The following PCDHGA12 variants were observed in gnomAD, a reference collection of about 807,000 sequenced individuals.
PCDHGA12 encodes the protein protocadherin gamma subfamily A, 12.
A neutral mutation model predicts 61.1 loss-of-function variants in PCDHGA12; 43 were observed. That is an observed-to-expected ratio of 0.70 (90% CI 0.55 to 0.91). PCDHGA12 has a LOEUF of 0.91. PCDHGA12 is among the 40% of genes least tolerant of loss of function. The pLI is 0.00. For missense variants in PCDHGA12, 1,236 were observed against 1,227.7 expected (o/e 1.01, Z -0.10); for synonymous variants, 520 against 542.9 (o/e 0.96, Z 0.59).
At chr5:141,510,831 A>T (rs2154594660) in intron 3 of PCDHGA12, 116 bp from the exon 4 acceptor site, 1 of 1,577,022 alleles carries the variant, frequency 6.3e-7, no homozygotes, top group East Asian at 2.2e-5. Context: ...CCCAGTGCTC[A>T]GCGTGGTCAA....
chr5:141,463,535 G>A (rs1178825067), intron 1 of PCDHGA12, among the ~76,000 whole-genome samples: 4 of 137,928 alleles, frequency 2.9e-5, no homozygotes, highest in East Asian at 2.3e-4. Context: ...TAGAAACTCC[G>A]GCTCCCGGGT....
At position 141,489,852 on chromosome 5, in the gene PCDHGA12, C is replaced by G. The variant is rs1197191101; in HGVS notation, c.2425-4955C>G. ...TAGAGCAGCAGCTGGATCGTGAAGC[C>G]CAGGCAAGACATCAGCTGGTGCTTA... On this transcript the variant is annotated intron_variant, in intron 1 of 3. Transcript: ENST00000252085. This position sits in a 1 kb window ranked among gnomAD's most constrained non-coding sequence, Gnocchi z 4.5. The G allele has an allele frequency of 6.2e-7, 1 of 1,614,034 alleles. No homozygotes were observed. Among genetic ancestry groups the G allele is most frequent in the Admixed American group, 1.7e-5 (1 of 60,004 alleles).
Position 141,430,832 on chromosome 5 carries a change from G to A in PCDHGA12, c.73G>A (p.Glu25Lys), listed in dbSNP as rs1398773861. ...GGGAATCCTCCTGGGGACTCTGTGG[G>A]AGACCGGATGCACCCAGATACGCTA... ...LLGILLGTLWETGCTQIRYSV... is the reference protein window; with the variant it reads ...LLGILLGTLWKTGCTQIRYSV... Residue 25 changes from glutamate to lysine, a missense_variant, in exon 1 of 4, where the codon GAG becomes AAG. Transcript: ENST00000252085. The A allele has an allele frequency of 6.4e-7, 1 of 1,555,686 alleles. No individual in the cohort carries two copies. Among genetic ancestry groups the A allele is most frequent in the South Asian group, 1.3e-5 (1 of 79,862 alleles).
intron 1 of PCDHGA12, chr5:141,468,662 C>G (rs1381049343): frequency 6.6e-6 from 1 of 150,534 alleles, no homozygotes; most frequent in East Asian, 2.0e-4. Context: ...GTCAGGAGAT[C>G]AAGACCATCC....
Position 141,487,082 on chromosome 5 carries a change from G to A in PCDHGA12, c.2425-7725G>A, listed in dbSNP as rs2099639361. On this transcript the variant is annotated intron_variant, in intron 1 of 3. Transcript: ENST00000252085. The surrounding 1 kb of genome is among the most constrained non-coding windows in gnomAD (Gnocchi z 5.0). Reference sequence around the variant, plus strand: ...GCGGACGGCTGTTCCTATCCCAGCTGACCTCCCACCACAGAAGCTGGTCAT... The same window carrying A: ...GCGGACGGCTGTTCCTATCCCAGCTAACCTCCCACCACAGAAGCTGGTCAT... The A allele has an allele frequency of 8.1e-6, 13 of 1,614,056 alleles. No individual in the cohort carries two copies. The highest frequency in any genetic ancestry group is 1.1e-5 in the Non-Finnish European group (13 of 1,179,938).
At chr5:141,509,782 C>A (rs2099878218) in intron 3 of PCDHGA12, among the ~76,000 whole-genome samples, 1 of 152,144 alleles carries the variant, frequency 6.6e-6, no homozygotes, top group Admixed American at 6.5e-5. Context: ...TCCCCGAGAT[C>A]ATCATCTCCT....
In PCDHGA12 at chr5:141,489,116, C is replaced by A; in HGVS notation, c.2425-5691C>A. Reference sequence around the variant, plus strand: ...TAAGAACTGCTGCAAGCAGGCAAACCTCCGAGCAGTTTTTAAGAGGCTGGA... The same window carrying A: ...TAAGAACTGCTGCAAGCAGGCAAACATCCGAGCAGTTTTTAAGAGGCTGGA... On this transcript the variant is annotated intron_variant, in intron 1 of 3. Transcript: ENST00000252085. The surrounding 1 kb of genome is among the most constrained non-coding windows in gnomAD (Gnocchi z 4.5). 3.7e-6 allele frequency: 2 copies of A among 536,398 alleles called. No homozygotes were observed. The highest frequency in any genetic ancestry group is 6.2e-6 in the Non-Finnish European group (2 of 322,530). 33.2% of individuals were successfully genotyped at this position (536,398 alleles called of 1,614,324 possible).
chr5:141,454,974 A>AT (rs2098808620), intron 1 of PCDHGA12, among the ~76,000 whole-genome samples: 1 of 151,182 alleles, frequency 6.6e-6, no homozygotes, highest in African/African-American at 2.4e-5. Context: ...CGCCTGGCTA[A>AT]TTTTTTAAAA....
chr5:141,496,888 T>TAAA (rs35063790), intron 2 of PCDHGA12, among the ~76,000 whole-genome samples: 5 of 134,118 alleles, frequency 3.7e-5, no homozygotes, highest in East Asian at 4.4e-4. Context: ...AAGTAACACT[T>TAAA]AAAAAAAAAA....
At chr5:141,463,338 G>A (rs1005543705) in intron 1 of PCDHGA12, among the ~76,000 whole-genome samples, 2 of 150,742 alleles carry the variant, frequency 1.3e-5, no homozygotes, top group African/African-American at 2.4e-5. Flanking sequence ...CAAAACCATG[G>A]TGTTATTCTT....
At chr5:141,438,720 G>A (rs1393152221) in intron 1 of PCDHGA12, among the ~76,000 whole-genome samples, 1 of 147,892 alleles carries the variant, frequency 6.8e-6, no homozygotes, top group Non-Finnish European at 1.5e-5. Flanking sequence ...GAGTGCAAGT[G>A]GTGTGATCTC....
rs762979829 is a variant in PCDHGA12, at chr5:141,432,863, T to A, written c.2104T>A (p.Cys702Ser). 1 of 1,614,074 alleles carries A rather than the reference T, an allele frequency of 6.2e-7. No individual in the cohort carries two copies. Among genetic ancestry groups the A allele is most frequent in the East Asian group, 2.2e-5 (1 of 44,886 alleles). The change falls in exon 1 of 4, where the codon TGC becomes AGC. Residue 702 changes from cysteine (C) to serine (S), a missense_variant. Coordinates refer to ENST00000252085, the MANE Select transcript of PCDHGA12 (RefSeq NM_003735.3). The surrounding 1 kb of genome is among the most constrained non-coding windows in gnomAD (Gnocchi z 6.0). ...GGTGGTAGCGGTGGCCGCGGTCTCCTGCGTCTTCCTGGCCTTCGTCATCTT... is the reference window on the plus strand; with the variant it reads ...GGTGGTAGCGGTGGCCGCGGTCTCCAGCGTCTTCCTGGCCTTCGTCATCTT... ...YLVVAVAAVSCVFLAFVILLL... is the reference protein window; with the variant it reads ...YLVVAVAAVSSVFLAFVILLL...
chr5:141,472,045 TA>T (rs1227282207), intron 1 of PCDHGA12, among the ~76,000 whole-genome samples: 3 of 152,170 alleles, frequency 2.0e-5, no homozygotes, highest in Non-Finnish European at 4.4e-5. Flanking sequence ...GAAAAGATTT[TA>T]AAAATGATTG....
intron 2 of PCDHGA12, among the ~76,000 whole-genome samples, chr5:141,498,967 G>A (rs896386012): frequency 1.5e-5 from 2 of 129,584 alleles, no homozygotes. Context: ...GAGGGAGGGA[G>A]GGAGGGAAGG....
At chr5:141,452,281 T>G (rs948141174) in intron 1 of PCDHGA12, among the ~76,000 whole-genome samples, 2 of 152,232 alleles carry the variant, frequency 1.3e-5, no homozygotes, top group Non-Finnish European at 2.9e-5. Flanking sequence ...CCTTTCTTAC[T>G]TTCTGATATA....
At chr5:141,494,972 C>G in intron 2 of PCDHGA12, 107 bp downstream of exon 2, 1 of 1,581,852 alleles carries the variant, frequency 6.3e-7, no homozygotes, top group Non-Finnish European at 8.6e-7. Context: ...TGGCTTCTCC[C>G]TCAGTTTGAG....
In PCDHGA12 at chr5:141,486,128, G is replaced by C. The variant is rs1447222839; in HGVS notation, c.2425-8679G>C. ...TGAGAGTGAGAATTACTATGAATTT[G>C]ATGTGCGGGCTCGCGATGGGGGTTC... is the stretch of plus-strand genomic sequence containing the variant. On this transcript the variant is annotated intron_variant, in intron 1 of 3. Transcript: ENST00000252085. This position sits in a 1 kb window ranked among gnomAD's most constrained non-coding sequence, Gnocchi z 5.0. 6.2e-7 allele frequency: 1 copy of C among 1,614,066 alleles called. No homozygotes were observed. Among genetic ancestry groups the C allele is most frequent in the Non-Finnish European group, 8.5e-7 (1 of 1,180,034 alleles).
chr5:141,437,484 T>C (rs547317864), intron 1 of PCDHGA12, among the ~76,000 whole-genome samples: 2 of 152,332 alleles, frequency 1.3e-5, no homozygotes, highest in South Asian at 4.1e-4. Flanking sequence ...ATATTTAATC[T>C]CGTAGATCAC....
At chr5:141,456,599 A>T (rs2098870253) in intron 1 of PCDHGA12, among the ~76,000 whole-genome samples, 1 of 152,174 alleles carries the variant, frequency 6.6e-6, no homozygotes, top group African/African-American at 2.4e-5. Flanking sequence ...TTTTGATTTG[A>T]TTTTTAAGTC....
Sources: gnomAD v4.1 joint callset for allele counts (sites outside exome capture counted in the v4.1 genomes callset) on GRCh38, gnomAD v4.1.1 for gene constraint, Gnocchi (gnomAD v3.1) non-coding constraint, MANE v1.5 for transcripts, NCBI Gene and HGNC (gene_info 2026-07-23, HGNC 2026-07-21) for gene names.